CEMIP: variants seen among roughly 807,000 people sequenced by gnomAD.
CEMIP encodes cell migration inducing hyaluronidase 1, also known as cell migration-inducing and hyaluronan-binding protein.
Under a neutral mutation model 156.9 loss-of-function variants are expected in CEMIP, and 105 were observed. That is an observed-to-expected ratio of 0.67 (90% CI 0.57 to 0.79). The LOEUF (loss-of-function observed/expected upper bound fraction) is 0.79. CEMIP is among the 30% of genes least tolerant of loss of function. The probability of loss-of-function intolerance (pLI) is 0.00; values close to 1 mark genes in which losing one functional copy is unlikely to be tolerated. For missense variants in CEMIP, 1,457 were observed against 1,769.4 expected, an observed-to-expected ratio of 0.82 and a Z score of 3.17; for synonymous variants, 676 against 668.4, an observed-to-expected ratio of 1.01 and a Z score of -0.17.
In CEMIP at chr15:80,920,206, C is replaced by A; in HGVS notation, c.1910C>A (p.Thr637Asn). ...HCLGLLVKSG[T>N]LLPSDRDSKM... ...CTTGGCCTCCTTGTCAAGTCTGGAACCCTCCTCCCCTCGGACCGTGACAGC... is the reference window on the plus strand; with the variant it reads ...CTTGGCCTCCTTGTCAAGTCTGGAAACCTCCTCCCCTCGGACCGTGACAGC... Residue 637 changes from threonine to asparagine, a missense_variant, in exon 15 of 30, where the codon ACC (threonine) becomes AAC (asparagine). Physicochemically the swap from Thr to Asn is moderately conservative, Grantham distance 65 (BLOSUM62 0). Around this residue, in one of 5 missense-constraint regions of CEMIP, gnomAD observed 798 missense variants for 980.1 expected, o/e 0.81. Transcript: ENST00000394685. 6.2e-7 allele frequency: 1 copy of A among 1,614,200 alleles called. No homozygotes were observed. Among genetic ancestry groups the A allele is most frequent in the Non-Finnish European group, 8.5e-7 (1 of 1,180,034 alleles).
chr15:80,897,393 T>G (rs531677704), intron 12 of CEMIP: 131 of 455,422 alleles, frequency 2.9e-4, no homozygotes, highest in Non-Finnish European at 5.2e-4. Context: ...TCAGTCCCCT[T>G]ATCTTAACAC....
In CEMIP at chr15:80,889,607, G is replaced by T; in HGVS notation, c.1086+15G>T. The T allele has an allele frequency of 1.2e-6, 2 of 1,613,818 alleles. No homozygotes were observed. Among genetic ancestry groups the T allele is most frequent in the Non-Finnish European group, 1.7e-6 (2 of 1,179,846 alleles). ...TTGATATACAGGTACCAAACTCACA[G>T]CAAAAATAGAAAATAGAAATGTGTT... On this transcript the variant is annotated intron_variant, in intron 10 of 29. Transcript: ENST00000394685.
At chr15:80,797,609 T>G (rs1334916186) in intron 1 of CEMIP, among the ~76,000 whole-genome samples, 1 of 152,038 alleles carries the variant, frequency 6.6e-6, no homozygotes, top group Non-Finnish European at 1.5e-5. Context: ...GAACAAAAGT[T>G]GTGTGTGTCA....
Position 80,947,082 on chromosome 15 carries a change from G to A in CEMIP, c.3958+17G>A. ...AGTTGAAAGGTAAGGGTTTGAACTG[G>A]GGTTTAAACTGACCCCAAAACCAGA... On this transcript the variant is annotated intron_variant, in intron 29 of 29. Coordinates refer to ENST00000394685, the MANE Select transcript of CEMIP (RefSeq NM_001293298.2). The A allele has an allele frequency of 1.9e-6, 3 of 1,543,392 alleles. No individual in the cohort carries two copies. The highest frequency in any genetic ancestry group is 2.7e-6 in the Non-Finnish European group (3 of 1,116,158).
In CEMIP at chr15:80,941,903, C is replaced by T; in HGVS notation, c.3462C>T (p.Cys1154=). The T allele has an allele frequency of 1.2e-6, 2 of 1,614,050 alleles. No individual in the cohort carries two copies. Among genetic ancestry groups the T allele is most frequent in the East Asian group, 4.5e-5 (2 of 44,854 alleles). Residue 1154 remains cysteine (C), a synonymous_variant, in exon 26 of 30, where the codon TGC becomes TGT. Coordinates refer to ENST00000394685, the MANE Select transcript of CEMIP (RefSeq NM_001293298.2). ...ACGAGAGAGAGAAGTTTGCTTTCTG[C>T]TCCATGAAAGGCTGTGAGAGGATAA... ...AQNEREKFAF[C]SMKGCERIKI...
chr15:80,926,842 T>G (rs1347025222), intron 19 of CEMIP, among the ~76,000 whole-genome samples: 3 of 150,054 alleles, frequency 2.0e-5, no homozygotes, highest in African/African-American at 7.5e-5. Context: ...TCTTCTTTTT[T>G]TTTTTTGAGA....
chr15:80,900,867 G>C, intron 12 of CEMIP: 1 of 451,358 alleles, frequency 2.2e-6, no homozygotes, highest in South Asian at 1.6e-5. Flanking sequence ...CTCTTCCCCA[G>C]GCTGGCTGCA....
chr15:80,934,942 T>G (rs955182231), intron 23 of CEMIP, among the ~76,000 whole-genome samples: 1 of 151,770 alleles, frequency 6.6e-6, no homozygotes, highest in Non-Finnish European at 1.5e-5. Context: ...TTTGGAAGAG[T>G]TGCTGTAGAG....
In CEMIP at chr15:80,948,883, C is replaced by T; in HGVS notation, c.4045C>T (p.Gln1349Ter). ...TGAGGATCACAAAGCCAAAATCTTC[C>T]AAGTTGTGCCCATCCCTGTGGTGAA... ...DTEDHKAKIF[Q>*]VVPIPVVKKK... The change falls in exon 30 of 30, where the codon CAA becomes TAA. Residue 1349 changes from glutamine (Q) to a stop codon, truncating the protein, a stop_gained. Transcript: ENST00000394685. LOFTEE classifies it high-confidence loss of function. The T allele has an allele frequency of 6.2e-7, 1 of 1,614,196 alleles. No homozygotes were observed. The highest frequency in any genetic ancestry group is 2.2e-5 in the East Asian group (1 of 44,858).
intron 1 of CEMIP, among the ~76,000 whole-genome samples, chr15:80,860,732 CCA>C (rs1288399547): frequency 6.6e-6 from 1 of 152,178 alleles, no homozygotes; most frequent in Non-Finnish European, 1.5e-5. Context: ...TGCCTGCACC[CCA>C]GTTTTGGCCA....
At chr15:80,823,834 A>C (rs1327171843) in intron 1 of CEMIP, among the ~76,000 whole-genome samples, 2 of 152,262 alleles carry the variant, frequency 1.3e-5, no homozygotes, top group Non-Finnish European at 2.9e-5. Flanking sequence ...CCTTTCTTTC[A>C]CATTTACAAT....
intron 1 of CEMIP, among the ~76,000 whole-genome samples, chr15:80,820,800 G>A (rs1051739701): frequency 2.0e-5 from 3 of 152,134 alleles, no homozygotes; most frequent in Admixed American, 6.5e-5. Flanking sequence ...TACTTAACCC[G>A]CTGGGACGCT....
intron 1 of CEMIP, among the ~76,000 whole-genome samples, chr15:80,820,052 A>C (rs1057425304): frequency 1.3e-5 from 2 of 152,176 alleles, no homozygotes; most frequent in South Asian, 4.1e-4. Context: ...TGCCCATGTT[A>C]ATCTTTGATT....
chr15:80,897,167 C>A (rs997071656), intron 12 of CEMIP: 6 of 433,566 alleles, frequency 1.4e-5, no homozygotes, highest in Non-Finnish European at 2.8e-5. Context: ...GTATCACATG[C>A]TACAGGACCA....
chr15:80,886,649 T>A (rs534235595), intron 7 of CEMIP, among the ~76,000 whole-genome samples: 13 of 152,256 alleles, frequency 8.5e-5, no homozygotes, highest in African/African-American at 3.1e-4. Flanking sequence ...CAAATGTATT[T>A]CAGATAGTAA....
intron 1 of CEMIP, among the ~76,000 whole-genome samples, chr15:80,870,064 G>C (rs1201654713): frequency 6.6e-6 from 1 of 152,156 alleles, no homozygotes; most frequent in African/African-American, 2.4e-5. Context: ...CATCATCCCA[G>C]CGTTACAGAC....
At chr15:80,896,240 G>T (rs538920031) in intron 12 of CEMIP, 180 bp downstream of exon 12, 15 of 736,564 alleles carry the variant, frequency 2.0e-5, no homozygotes, top group Admixed American at 4.0e-5. Context: ...TCTGCAGGTT[G>T]TCTAGGGATC....
At chr15:80,918,266 C>T (rs1245711222) in intron 14 of CEMIP, among the ~76,000 whole-genome samples, 1 of 151,986 alleles carries the variant, frequency 6.6e-6, no homozygotes, top group Non-Finnish European at 1.5e-5. Context: ...CAGAGCCAGA[C>T]CTTGTCTCAC....
At chr15:80,941,738 C>T (rs1176482548) in intron 25 of CEMIP, 111 bp from the exon 26 acceptor site, 13 of 944,094 alleles carry the variant, frequency 1.4e-5, no homozygotes, top group East Asian at 7.3e-5. Flanking sequence ...TCTATAAGGC[C>T]GCTGGGTCTA....
Sources: allele counts gnomAD v4.1 joint callset (sites outside exome capture counted in the v4.1 genomes callset), GRCh38; gene constraint gnomAD v4.1.1; regional missense constraint gnomAD v4.1.1; transcripts MANE v1.5; gene names NCBI Gene and HGNC (gene_info 2026-07-23, HGNC 2026-07-21).